Variants in ANKRD17 observed in about 807,000 individuals in gnomAD.
ANKRD17 encodes ankyrin repeat domain 17.
In ANKRD17, 19 loss-of-function variants were observed where a neutral mutation model predicts 229.7. That is an observed-to-expected ratio of 0.08 (90% CI 0.06 to 0.12). The LOEUF is 0.12. Ranked by LOEUF, ANKRD17 falls within the 10% of genes least tolerant of loss-of-function variation. ANKRD17 has a pLI of 1.00. For missense variants in ANKRD17, 2,176 were observed against 3,176.8 expected (o/e 0.68, Z 7.57); for synonymous variants, 1,112 against 1,146.1 (o/e 0.97, Z 0.60).
chr4:73,215,265 A>AT (rs201276889), intron 1 of ANKRD17, among the ~76,000 whole-genome samples: 34,917 of 147,452 alleles, frequency 0.24, 5,137 homozygotes, highest in African/African-American at 0.42. Context: ...AGAAAATGTG[A>AT]TTTTTTTTTT....
chr4:73,149,352 ACAT>A (rs1349907720), intron 7 of ANKRD17, among the ~76,000 whole-genome samples: 1 of 152,238 alleles, frequency 6.6e-6, no homozygotes, highest in Non-Finnish European at 1.5e-5. Flanking sequence ...CTATAGTGAG[ACAT>A]CAACACTATA....
intron 14 of ANKRD17, 24 bp downstream of exon 14, chr4:73,141,717 A>G: frequency 6.3e-7 from 1 of 1,592,666 alleles, no homozygotes; most frequent in Non-Finnish European, 8.6e-7. Flanking sequence ...CAAGTAAGAA[A>G]CAGTCTTTAG....
chr4:73,243,621 G>A (rs1245658842), intron 1 of ANKRD17, among the ~76,000 whole-genome samples: 1 of 152,114 alleles, frequency 6.6e-6, no homozygotes, highest in Admixed American at 6.5e-5. Flanking sequence ...TCTTGTTTTG[G>A]TAGTCATAAG....
rs1720878421 is a variant in ANKRD17 at position 73,074,362 on chromosome 4, T to C, written c.*1869A>G. The C allele has an allele frequency of 6.6e-6, 1 of 152,012 alleles. No individual in the cohort carries two copies. Among genetic ancestry groups the C allele is most frequent in the African/African-American group, 2.4e-5 (1 of 41,446 alleles). The allele number at this position is 152,012 out of a possible 1,614,324, so 9.4% of individuals were successfully genotyped here. A position where few individuals can be genotyped will look rare whatever the true frequency, so the allele number is the denominator to read the frequency against. On this transcript the variant is annotated 3_prime_UTR_variant, in exon 34 of 34. Coordinates refer to ENST00000358602, the MANE Select transcript of ANKRD17 (RefSeq NM_032217.5). ...AAAAAAAATTTTATGTATAGAATAG[T>C]GGCAAGTCATATATAAAATACTTCG...
chr4:73,147,244 C>T lies in ANKRD17; in HGVS notation c.1756G>A (p.Ala586Thr). Reference protein sequence around the residue: ...HLELVKYLLAAGANVHATTAT... With the variant: ...HLELVKYLLATGANVHATTAT... Reference sequence around the variant, plus strand: ...TCCCAAATGCAAAAATGCCTACCTGCAGCTAATAAGTATTTAACTAACTCC... The same window carrying T: ...TCCCAAATGCAAAAATGCCTACCTGTAGCTAATAAGTATTTAACTAACTCC... The change falls in exon 9 of 34, where the codon GCA becomes ACA. Residue 586 changes from alanine (A) to threonine (T), a missense_variant. Ala to Thr is a moderately conservative substitution (Grantham distance 58). Around this residue, in one of 18 missense-constraint regions of ANKRD17, gnomAD observed 275 missense variants for 386.9 expected, o/e 0.71. Transcript: ENST00000358602. 3.9e-6 allele frequency: 6 copies of T among 1,531,996 alleles called. No individual in the cohort carries two copies. Among genetic ancestry groups the T allele is most frequent in the South Asian group, 1.3e-5 (1 of 78,546 alleles). 94.9% of individuals were successfully genotyped at this position (1,531,996 alleles called of 1,614,324 possible).
At chr4:73,134,038 C>A (rs1728585577) in intron 16 of ANKRD17, among the ~76,000 whole-genome samples, 1 of 151,944 alleles carries the variant, frequency 6.6e-6, no homozygotes, top group Non-Finnish European at 1.5e-5. Flanking sequence ...TAAAATAGTC[C>A]CTGGCAATTT....
chr4:73,121,829 T>C (rs761483639), intron 18 of ANKRD17, 70 bp from the exon 19 acceptor site: 9 of 1,457,788 alleles, frequency 6.2e-6, no homozygotes, highest in Non-Finnish European at 8.3e-6. Flanking sequence ...TATTTTTAAA[T>C]TTCTTTTTCT....
At chr4:73,172,526 C>T (rs1734176651) in intron 2 of ANKRD17, among the ~76,000 whole-genome samples, 1 of 152,122 alleles carries the variant, frequency 6.6e-6, no homozygotes, top group South Asian at 2.1e-4. Context: ...TAACACTGTA[C>T]CTGTGGTGTG....
chr4:73,218,642 C>CA (rs919657671), intron 1 of ANKRD17, among the ~76,000 whole-genome samples: 5,196 of 59,040 alleles, frequency 0.088, 228 homozygotes, highest in Middle Eastern at 0.16. Flanking sequence ...GACTCTGTCT[C>CA]AAAAAAAAAA....
At chr4:73,079,573 T>C (rs941876106) in intron 30 of ANKRD17, among the ~76,000 whole-genome samples, 5 of 152,102 alleles carry the variant, frequency 3.3e-5, no homozygotes, top group Non-Finnish European at 7.4e-5. Context: ...AAAAAAAGTT[T>C]CTTCAAATTA....
intron 18 of ANKRD17, 53 bp from the exon 19 acceptor site, chr4:73,121,812 AAG>A: frequency 1.3e-6 from 2 of 1,513,374 alleles, no homozygotes; most frequent in Non-Finnish European, 1.8e-6. Context: ...CAAATTACCA[AAG>A]TGTGTATTTT....
chr4:73,111,476 ATTGT>A (rs1725312722), intron 24 of ANKRD17, among the ~76,000 whole-genome samples: 3 of 152,230 alleles, frequency 2.0e-5, no homozygotes, highest in South Asian at 2.1e-4. Context: ...AAACTTATGA[ATTGT>A]TTATTTCTGG....
In ANKRD17 at chr4:73,155,503, T is replaced by C. The variant is rs569197052; in HGVS notation, c.1000+128A>G. On this transcript the variant is annotated intron_variant, in intron 5 of 33. Coordinates refer to ENST00000358602, the MANE Select transcript of ANKRD17 (RefSeq NM_032217.5). ...ATATACTTCAAAACTCATACACAGA[T>C]GTGTGAGAATATGTAGCACTTCTAA... 9 of 961,362 alleles carry C rather than the reference T, an allele frequency of 9.4e-6. No individual in the cohort carries two copies. In the East Asian group the frequency reaches 1.6e-4, roughly 17 times the overall value. The allele number at this position is 961,362 out of a possible 1,614,324, so 59.6% of individuals were successfully genotyped here.
At chr4:73,222,450 T>C (rs1741982891) in intron 1 of ANKRD17, among the ~76,000 whole-genome samples, 1 of 152,190 alleles carries the variant, frequency 6.6e-6, no homozygotes, top group Non-Finnish European at 1.5e-5. Flanking sequence ...AATAATTTGT[T>C]TTATAATAAT....
chr4:73,206,923 A>C (rs1156402206), intron 1 of ANKRD17, among the ~76,000 whole-genome samples: 2 of 152,118 alleles, frequency 1.3e-5, no homozygotes, highest in East Asian at 1.9e-4. Flanking sequence ...CACGGGGTTC[A>C]AGTGATTCTC....
intron 22 of ANKRD17, 123 bp from the exon 23 acceptor site, chr4:73,116,039 A>C: frequency 1.4e-6 from 1 of 731,378 alleles, no homozygotes. Flanking sequence ...GCATATTTAC[A>C]CTATAAATGA....
rs62311898 is a variant in ANKRD17 at position 73,246,969 on chromosome 4, A to G, written c.393+11307T>C. ...GAAGTTCTCCAGAAGTCATAAAAGAATAATACATTTTACTAAACAATAAAT... is the reference window on the plus strand; with the variant it reads ...GAAGTTCTCCAGAAGTCATAAAAGAGTAATACATTTTACTAAACAATAAAT... On this transcript the variant is annotated intron_variant, in intron 1 of 33. Coordinates refer to ENST00000358602, the MANE Select transcript of ANKRD17 (RefSeq NM_032217.5). Among the ~76,000 whole-genome samples the G allele has an allele frequency of 6.2e-3, 940 of 152,278 alleles. 10 individuals are homozygous for G. The highest frequency in any genetic ancestry group is 0.01 in the Non-Finnish European group (705 of 67,974).
At position 73,092,069 on chromosome 4, in the gene ANKRD17, A is replaced by G. The variant is rs1370368369; in HGVS notation, c.5559T>C (p.Thr1853=). ...TGGATGCAGAAGAAATTGCAGGCAC[A>G]GTGAGTGCTGTGGCAGTTTGAGATG... ...SSTSQTATAL[T]VPAISSASTH... Residue 1853 remains threonine, a synonymous_variant, in exon 29 of 34, where the codon ACT becomes ACC. Transcript: ENST00000358602. 1 of 1,614,128 alleles carries G rather than the reference A, an allele frequency of 6.2e-7. No individual in the cohort carries two copies. Among genetic ancestry groups the G allele is most frequent in the Admixed American group, 1.7e-5 (1 of 60,016 alleles).
intron 1 of ANKRD17, among the ~76,000 whole-genome samples, chr4:73,248,473 G>A (rs1013182020): frequency 1.3e-5 from 2 of 151,944 alleles, no homozygotes; most frequent in Non-Finnish European, 2.9e-5. Context: ...TAAATTTTAT[G>A]AATCTAGAAA....
Sources: gnomAD v4.1 joint callset for allele counts (sites outside exome capture counted in the v4.1 genomes callset) on GRCh38, gnomAD v4.1.1 for gene constraint, gnomAD v4.1.1 regional missense constraint, MANE v1.5 for transcripts, NCBI Gene and HGNC (gene_info 2026-07-23, HGNC 2026-07-21) for gene names.